Variants in TEC observed in about 807,000 individuals in gnomAD.
TEC encodes tyrosine-protein kinase Tec.
TEC carries 72 observed loss-of-function variants against 93.0 expected under a neutral mutation model. That is an observed-to-expected ratio of 0.77 (90% CI 0.64 to 0.94). TEC has a LOEUF of 0.94. Among genes scored for constraint, TEC ranks in the 40% least tolerant of loss-of-function variants. The pLI is 0.00. For missense variants in TEC, 630 were observed against 757.9 expected (o/e 0.83, Z 1.98); for synonymous variants, 249 against 247.7 (o/e 1.01, Z -0.05).
At chr4:48,173,888 A>G (rs1721217380) in intron 3 of TEC, among the ~76,000 whole-genome samples, 1 of 152,140 alleles carries the variant, frequency 6.6e-6, no homozygotes, top group South Asian at 2.1e-4. Flanking sequence ...GCTGGTGTGG[A>G]TTCCCCACCA....
chr4:48,215,229 G>A (rs58762758), intron 2 of TEC, among the ~76,000 whole-genome samples: 66,117 of 152,058 alleles, frequency 0.43, 14,907 homozygotes, highest in Admixed American at 0.55. Context: ...GGCCTGTGCC[G>A]GGCGCAGTGG....
intron 2 of TEC, among the ~76,000 whole-genome samples, chr4:48,201,727 AG>A (rs1166084514): frequency 1.3e-5 from 2 of 152,168 alleles, no homozygotes; most frequent in African/African-American, 4.8e-5. Context: ...GACGGGAAGC[AG>A]AATGTTATGA....
chr4:48,224,609 T>C (rs775213916), intron 2 of TEC, among the ~76,000 whole-genome samples: 4 of 152,182 alleles, frequency 2.6e-5, no homozygotes, highest in Non-Finnish European at 4.4e-5. Flanking sequence ...TTCAGTTCAT[T>C]TGGAATATGT....
chr4:48,188,610 G>GTATGTATGTATGCTATACAAGCATATA (rs1423585753), intron 2 of TEC, among the ~76,000 whole-genome samples: 4 of 151,990 alleles, frequency 2.6e-5, no homozygotes, highest in Non-Finnish European at 5.9e-5. Flanking sequence ...ACAAGCATAT[G>GTATGTATGTATGCTATACAAGCATATA]TATGTATGTA....
intron 8 of TEC, among the ~76,000 whole-genome samples, chr4:48,159,210 T>A (rs1198028185): frequency 1.3e-5 from 2 of 152,102 alleles, no homozygotes; most frequent in Non-Finnish European, 2.9e-5. Flanking sequence ...GGCTAATTTA[T>A]AAAGAGAAGA....
chr4:48,209,105 A>C (rs1001653515), intron 2 of TEC, among the ~76,000 whole-genome samples: 15 of 152,232 alleles, frequency 9.9e-5, no homozygotes, highest in African/African-American at 3.4e-4. Flanking sequence ...CTCCCTCCAG[A>C]ACACACAGCT....
intron 2 of TEC, among the ~76,000 whole-genome samples, chr4:48,179,338 G>GTATATATATATATA (rs61241595): frequency 2.7e-4 from 14 of 51,654 alleles, no homozygotes; most frequent in African/African-American, 3.8e-4. Flanking sequence ...GACGTGGGTA[G>GTATATATATATATA]TATATATATA....
chr4:48,145,478 C>G lies in TEC; in HGVS notation c.1183G>C (p.Val395Leu), dbSNP rs1353010758. The change falls in exon 13 of 18, where the codon GTC becomes CTC. Residue 395 changes from valine (V) to leucine (L), a missense_variant. Physicochemically the swap from Val to Leu is conservative, Grantham distance 32. Around this residue, in one of 3 missense-constraint regions of TEC, gnomAD observed 289 missense variants for 390.0 expected, o/e 0.74. Transcript: ENST00000381501. ...CCTTCCCGAATAGCTTTGATTGCGA[C>G]TTTGTACTGGGCTCGCCATTTGCCA... ...RLGKWRAQYK[V>L]AIKAIREGAM... is the part of the protein sequence containing the mutation. 2 of 1,614,046 alleles carry G rather than the reference C, an allele frequency of 1.2e-6. No homozygotes were observed. Among genetic ancestry groups the G allele is most frequent in the Non-Finnish European group, 8.5e-7 (1 of 1,180,040 alleles).
chr4:48,182,271 C>A (rs1361356756), intron 2 of TEC, among the ~76,000 whole-genome samples: 2 of 131,646 alleles, frequency 1.5e-5, no homozygotes, highest in African/African-American at 3.0e-5. Flanking sequence ...GGTGACAGAG[C>A]GAGACTCCAT....
At chr4:48,266,193 C>T (rs552237066) in intron 1 of TEC, among the ~76,000 whole-genome samples, 1 of 152,320 alleles carries the variant, frequency 6.6e-6, no homozygotes, top group African/African-American at 2.4e-5. Flanking sequence ...TCTAGGCATC[C>T]TATTCCAGGA....
intron 2 of TEC, among the ~76,000 whole-genome samples, chr4:48,217,710 G>C (rs563399245): frequency 6.6e-6 from 1 of 151,858 alleles, no homozygotes; most frequent in Non-Finnish European, 1.5e-5. Context: ...TGCAATGTGT[G>C]ATTATGGATT....
At chr4:48,233,797 T>A (rs1045098363) in intron 1 of TEC, among the ~76,000 whole-genome samples, 5 of 132,126 alleles carry the variant, frequency 3.8e-5, no homozygotes, top group Non-Finnish European at 5.0e-5. Context: ...AGTTAGAACA[T>A]AAAATTGAGA....
chr4:48,184,291 A>G (rs1721713277), intron 2 of TEC, among the ~76,000 whole-genome samples: 1 of 152,382 alleles, frequency 6.6e-6, no homozygotes, highest in African/African-American at 2.4e-5. Context: ...AGTGCCACCT[A>G]TACCTAAGTA....
chr4:48,168,429 A>C (rs968123228), intron 6 of TEC, among the ~76,000 whole-genome samples, 157 bp downstream of exon 6: 11 of 152,242 alleles, frequency 7.2e-5, no homozygotes, highest in Admixed American at 3.9e-4. Flanking sequence ...AAATTGAAAT[A>C]AGCTACAGCA....
intron 8 of TEC, among the ~76,000 whole-genome samples, chr4:48,158,280 C>T (rs1048241799): frequency 9.2e-5 from 14 of 152,170 alleles, no homozygotes; most frequent in Admixed American, 9.2e-4. Context: ...ATGCAAATTA[C>T]AGCCTCAATC....
Position 48,151,339 on chromosome 4 carries a change from C to T in TEC, c.793-397G>A, listed in dbSNP as rs1460906338. On this transcript the variant is annotated intron_variant, in intron 9 of 17. Transcript: ENST00000381501. ...CTTAATGATTGGGTTTCATTTCATA[C>T]ATTTTTTGTATTTGTTATAAGCTTT... is the stretch of plus-strand genomic sequence containing the variant. Among the ~76,000 whole-genome samples, 4 of 152,180 alleles carry T rather than the reference C, an allele frequency of 2.6e-5. No homozygotes were observed. In the East Asian group the frequency reaches 5.8e-4, roughly 22 times the overall value.
At chr4:48,142,660 A>G (rs945099032) in intron 14 of TEC, among the ~76,000 whole-genome samples, 2 of 152,132 alleles carry the variant, frequency 1.3e-5, no homozygotes, top group Non-Finnish European at 2.9e-5. Context: ...CTCAAAAGGA[A>G]GACAAGAATT....
At chr4:48,230,313 G>T (rs1379575224) in intron 1 of TEC, among the ~76,000 whole-genome samples, 2 of 151,964 alleles carry the variant, frequency 1.3e-5, no homozygotes, top group Non-Finnish European at 2.9e-5. Context: ...TTTCTATAAG[G>T]TTCCTTTACA....
chr4:48,163,747 C>T lies in TEC; in HGVS notation c.692G>A (p.Ser231Asn), dbSNP rs1272263155. ...TGATTTCTTTCCCGTTACGTAATTA[C>T]TTGGGATATATCCTTCATTCCTAGA... is the stretch of plus-strand genomic sequence containing the variant. ...DKYGNEGYIP[S>N]NYVTGKKSNN... The change falls in exon 8 of 18, where the codon AGT (serine) becomes AAT (asparagine). Residue 231 changes from serine (S) to asparagine (N), a missense_variant. Physicochemically the swap from Ser to Asn is conservative, Grantham distance 46 (BLOSUM62 1). Transcript: ENST00000381501. The T allele has an allele frequency of 6.7e-7, 1 of 1,499,406 alleles. No individual in the cohort carries two copies. Among genetic ancestry groups the T allele is most frequent in the Non-Finnish European group, 9.1e-7 (1 of 1,100,352 alleles). 92.9% of individuals were successfully genotyped at this position (1,499,406 alleles called of 1,614,324 possible).
Sources: allele counts gnomAD v4.1 joint callset (sites outside exome capture counted in the v4.1 genomes callset), GRCh38; gene constraint gnomAD v4.1.1; regional missense constraint gnomAD v4.1.1; transcripts MANE v1.5; gene names NCBI Gene and HGNC (gene_info 2026-07-23, HGNC 2026-07-21).